Variants in SMC6 observed in about 807,000 individuals in gnomAD.
SMC6 encodes structural maintenance of chromosomes 6, also known as structural maintenance of chromosomes protein 6.
A neutral mutation model predicts 142.2 loss-of-function variants in SMC6; 79 were observed. The observed-to-expected ratio is 0.56, with a 90% CI of 0.46 to 0.67. The LOEUF is 0.67. Among genes scored for constraint, SMC6 ranks in the 30% least tolerant of loss-of-function variants. The pLI, the probability that SMC6 is intolerant of heterozygous loss-of-function variation, is 0.00. For missense variants in SMC6, 1,072 were observed against 1,284.0 expected, an observed-to-expected ratio of 0.83 and a Z score of 2.52; for synonymous variants, 411 against 412.4, an observed-to-expected ratio of 1.00 and a Z score of 0.04.
intron 12 of SMC6, among the ~76,000 whole-genome samples, chr2:17,717,551 G>A (rs1431735624): frequency 6.6e-6 from 1 of 152,130 alleles, no homozygotes; most frequent in African/African-American, 2.4e-5. Context: ...CGCCCCTATA[G>A]TCCCAGGTAC....
rs796905034 is a variant in SMC6, at chr2:17,725,165, T to C, written c.726+92A>G. 11 of 799,468 alleles carry C rather than the reference T, an allele frequency of 1.4e-5. No homozygotes were observed. The African/African-American group carries it at 1.4e-4, about 10-fold the overall frequency. The allele number at this position is 799,468 out of a possible 1,614,324, so 49.5% of individuals were successfully genotyped here. ...AAAAATATTACTAGTTTTATATAAA[T>C]ATACAGACACATAGTTTTACAATAT... On this transcript the variant is annotated intron_variant, in intron 9 of 27. Transcript: ENST00000448223.
intron 16 of SMC6, among the ~76,000 whole-genome samples, chr2:17,711,192 A>C (rs1422333818): frequency 6.6e-6 from 1 of 152,158 alleles, no homozygotes; most frequent in Non-Finnish European, 1.5e-5. Context: ...TTTCCTCTAA[A>C]GCGCCAAGTC....
chr2:17,714,757 A>T (rs546505429), intron 16 of SMC6, 104 bp downstream of exon 16: 3 of 1,196,572 alleles, frequency 2.5e-6, no homozygotes, highest in African/African-American at 1.5e-5. Flanking sequence ...AAATTTTACA[A>T]ATCAGTGGTA....
chr2:17,713,879 A>G (rs1668948999), intron 16 of SMC6, among the ~76,000 whole-genome samples: 1 of 152,198 alleles, frequency 6.6e-6, no homozygotes, highest in Non-Finnish European at 1.5e-5. Flanking sequence ...TCATCAGTTA[A>G]AAGACTGATG....
chr2:17,708,881 A>AGGAC (rs2124968668), intron 16 of SMC6, 128 bp from the exon 17 acceptor site: 2 of 299,380 alleles, frequency 6.7e-6, no homozygotes, highest in East Asian at 1.0e-4. Flanking sequence ...GGGAAATTAT[A>AGGAC]AATAACAAGA....
At chr2:17,695,075 T>G in intron 23 of SMC6, 77 bp downstream of exon 23, 1 of 1,486,916 alleles carries the variant, frequency 6.7e-7, no homozygotes, top group East Asian at 2.3e-5. Context: ...ATTTAAGACA[T>G]GTATATGTTT....
chr2:17,724,177 TC>T (rs1669506231), intron 9 of SMC6, among the ~76,000 whole-genome samples: 1 of 152,134 alleles, frequency 6.6e-6, no homozygotes, highest in African/African-American at 2.4e-5. Flanking sequence ...ATATTTCCCT[TC>T]CCCAATAACA....
intron 3 of SMC6, 58 bp downstream of exon 3, chr2:17,745,769 T>C: frequency 1.3e-5 from 19 of 1,514,068 alleles, no homozygotes; most frequent in Non-Finnish European, 1.6e-5. Context: ...GAATGTGATA[T>C]GATGAATGTT....
At chr2:17,743,712 T>C (rs756984398) in intron 3 of SMC6, among the ~76,000 whole-genome samples, 6 of 152,316 alleles carry the variant, frequency 3.9e-5, no homozygotes, top group Non-Finnish European at 8.8e-5. Context: ...CAGTTATTTT[T>C]ACTGCGCTAA....
At chr2:17,708,789 A>G in intron 16 of SMC6, 36 bp from the exon 17 acceptor site, 2 of 996,246 alleles carry the variant, frequency 2.0e-6, no homozygotes, top group Non-Finnish European at 2.8e-6. Flanking sequence ...TAACTTAGCA[A>G]ATTTTAATTA....
intron 21 of SMC6, among the ~76,000 whole-genome samples, chr2:17,697,535 G>A (rs1668062720): frequency 6.6e-6 from 1 of 151,838 alleles, no homozygotes; most frequent in Non-Finnish European, 1.5e-5. Flanking sequence ...CTGTAAAACG[G>A]GCAAAGATTT....
At position 17,706,543 on chromosome 2, in the gene SMC6, A is replaced by G. The variant is rs566188684; in HGVS notation, c.2006+676T>C. ...TTTTTTTCCTGCTCAGTTGTCTTAG[A>G]TATTTCTTTTACTTAAGTCCTAAGT... On this transcript the variant is annotated intron_variant, in intron 18 of 27. Transcript: ENST00000448223. Among the ~76,000 whole-genome samples, 3 of 150,836 alleles carry G rather than the reference A, an allele frequency of 2.0e-5. No individual in the cohort carries two copies. In the South Asian group the frequency reaches 6.3e-4, roughly 31 times the overall value.
chr2:17,740,229 C>T (rs1670373882), intron 4 of SMC6, among the ~76,000 whole-genome samples: 1 of 152,176 alleles, frequency 6.6e-6, no homozygotes, highest in East Asian at 1.9e-4. Flanking sequence ...CATGTGACCC[C>T]TCTAAAACAG....
In SMC6 at chr2:17,735,227, C is replaced by G. The variant is rs145626813; in HGVS notation, c.344+2994G>C. 4.7e-3 allele frequency among the ~76,000 whole-genome samples: 716 copies of G among 152,088 alleles called. 8 individuals are homozygous for G. Among genetic ancestry groups the G allele is most frequent in the African/African-American group, 0.016 (672 of 41,458 alleles). Reference sequence around the variant, plus strand: ...GTCTGTGCTGATGCTCAATTTGGGTCAACAGCCATAGAGCCCAATGAGTGA... The same window carrying G: ...GTCTGTGCTGATGCTCAATTTGGGTGAACAGCCATAGAGCCCAATGAGTGA... On this transcript the variant is annotated intron_variant, in intron 5 of 27. Transcript: ENST00000448223.
At chr2:17,687,991 T>C (rs1484524862) in intron 23 of SMC6, among the ~76,000 whole-genome samples, 1 of 152,004 alleles carries the variant, frequency 6.6e-6, no homozygotes, top group Non-Finnish European at 1.5e-5. Flanking sequence ...AATATTAACG[T>C]TGTTGAGAGC....
chr2:17,693,430 CA>C (rs1667828349), intron 23 of SMC6, among the ~76,000 whole-genome samples: 1 of 152,068 alleles, frequency 6.6e-6, no homozygotes, highest in Non-Finnish European at 1.5e-5. Flanking sequence ...TCATTCTCAG[CA>C]AACTATCACA....
At chr2:17,728,784 T>C (rs1669756970) in intron 7 of SMC6, among the ~76,000 whole-genome samples, 1 of 151,888 alleles carries the variant, frequency 6.6e-6, no homozygotes, top group Non-Finnish European at 1.5e-5. Flanking sequence ...GGTCTCGCTG[T>C]GTCACCCAGG....
rs1226475236 is a variant in SMC6 at position 17,738,502 on chromosome 2, G to A, written c.239-176C>T. Among the ~76,000 whole-genome samples the A allele has an allele frequency of 3.3e-5, 5 of 152,042 alleles. No individual in the cohort carries two copies. In the East Asian group the frequency reaches 9.6e-4, roughly 29 times the overall value. On this transcript the variant is annotated intron_variant, in intron 4 of 27. Coordinates refer to ENST00000448223, the MANE Select transcript of SMC6 (RefSeq NM_001142286.2). ...ACAACTTAAAAAAAAAGTTATATAT[G>A]TAAGGAAAAATTGAACTGCCATTAT... is the stretch of plus-strand genomic sequence containing the variant.
At chr2:17,673,931 GACC>G (rs1666889075) in intron 25 of SMC6, among the ~76,000 whole-genome samples, 1 of 152,098 alleles carries the variant, frequency 6.6e-6, no homozygotes, top group Non-Finnish European at 1.5e-5. Flanking sequence ...TTCATGAGAA[GACC>G]ACCCTCTTCC....
Sources: allele counts gnomAD v4.1 joint callset (sites outside exome capture counted in the v4.1 genomes callset), GRCh38; gene constraint gnomAD v4.1.1; transcripts MANE v1.5; gene names NCBI Gene and HGNC (gene_info 2026-07-23, HGNC 2026-07-21).